MEMO1: variants seen among roughly 807,000 people sequenced by gnomAD.
The protein encoded by MEMO1 is protein MEMO1.
In MEMO1, 6 loss-of-function variants were observed where a neutral mutation model predicts 45.2. The ratio of observed to expected loss-of-function variants is 0.13; its 90% CI spans 0.07 to 0.26. MEMO1 has a LOEUF of 0.26. MEMO1 is among the 10% of genes least tolerant of loss of function. The probability of loss-of-function intolerance (pLI) is 1.00; values close to 1 mark genes in which losing one functional copy is unlikely to be tolerated. For synonymous variants in MEMO1, 78 were observed against 124.3 expected (o/e 0.63, Z 2.48); for missense variants, 184 against 370.5 (o/e 0.50, Z 4.13).
At chr2:31,965,790 G>C (rs1240523154) in intron 2 of MEMO1, among the ~76,000 whole-genome samples, 1 of 152,074 alleles carries the variant, frequency 6.6e-6, no homozygotes, top group Non-Finnish European at 1.5e-5. Context: ...TGGACACAGG[G>C]AGGGGAACAA....
chr2:31,967,465 T>C (rs756998547), intron 2 of MEMO1, among the ~76,000 whole-genome samples: 1 of 151,964 alleles, frequency 6.6e-6, no homozygotes, highest in Non-Finnish European at 1.5e-5. Flanking sequence ...AATTTTTTCT[T>C]TGAGACAGGG....
chr2:31,978,710 G>A (rs76728535), intron 2 of MEMO1, among the ~76,000 whole-genome samples: 2,848 of 152,306 alleles, frequency 0.019, 54 homozygotes, highest in Middle Eastern at 0.048. Context: ...TTAAGCCACC[G>A]TGCCTGGCCT....
intron 7 of MEMO1, among the ~76,000 whole-genome samples, chr2:31,887,727 T>C (rs567607030): frequency 6.6e-6 from 1 of 152,264 alleles, no homozygotes; most frequent in South Asian, 2.1e-4. Flanking sequence ...AAAAACTAAA[T>C]ATGTAAAATC....
At chr2:31,943,184 G>T in intron 3 of MEMO1, 118 bp downstream of exon 3, 1 of 760,278 alleles carries the variant, frequency 1.3e-6, no homozygotes. Flanking sequence ...AGAGTCGCTT[G>T]AACCTGGGAG....
intron 2 of MEMO1, among the ~76,000 whole-genome samples, chr2:31,997,826 A>G (rs1056986291): frequency 3.9e-5 from 6 of 152,290 alleles, no homozygotes; most frequent in African/African-American, 1.4e-4. Context: ...TCGAATCTAC[A>G]TTTTCAAAAA....
At chr2:31,894,118 G>T (rs1266128727) in intron 6 of MEMO1, among the ~76,000 whole-genome samples, 1 of 152,100 alleles carries the variant, frequency 6.6e-6, no homozygotes, top group African/African-American at 2.4e-5. Context: ...CTAGATAAAA[G>T]CGTCAAAAAC....
chr2:31,920,956 A>G (rs1350803953), intron 4 of MEMO1, 46 bp from the exon 5 acceptor site: 1 of 1,239,084 alleles, frequency 8.1e-7, no homozygotes. Flanking sequence ...GCACTTCTAC[A>G]CAAACCTTAT....
At chr2:31,890,191 A>C (rs1281678306) in intron 7 of MEMO1, among the ~76,000 whole-genome samples, 5 of 152,176 alleles carry the variant, frequency 3.3e-5, no homozygotes, top group African/African-American at 9.6e-5. Context: ...GTTTTATGTG[A>C]ATTTATGTTA....
intron 4 of MEMO1, among the ~76,000 whole-genome samples, chr2:31,925,092 T>C (rs1682880829): frequency 6.6e-6 from 1 of 152,208 alleles, no homozygotes; most frequent in African/African-American, 2.4e-5. Flanking sequence ...ACTGGTCTTC[T>C]TGCAGTTCCT....
chr2:31,924,796 G>A (rs113536457), intron 4 of MEMO1, among the ~76,000 whole-genome samples: 27 of 152,166 alleles, frequency 1.8e-4, no homozygotes, highest in African/African-American at 3.4e-4. Context: ...TCAAAATCAA[G>A]TTACTACTAC....
intron 2 of MEMO1, among the ~76,000 whole-genome samples, chr2:31,984,196 CACTT>C (rs1670997041): frequency 1.3e-5 from 2 of 152,124 alleles, no homozygotes; most frequent in Admixed American, 1.3e-4. Flanking sequence ...ACCTGGCAAA[CACTT>C]ACTACCTTAA....
chr2:32,006,675 A>G (rs1413495644), intron 2 of MEMO1, among the ~76,000 whole-genome samples: 3 of 151,906 alleles, frequency 2.0e-5, no homozygotes, highest in Non-Finnish European at 4.4e-5. Flanking sequence ...CACATAAAGA[A>G]GTGAGAATGG....
intron 6 of MEMO1, among the ~76,000 whole-genome samples, chr2:31,913,197 G>A (rs1194722728): frequency 6.9e-6 from 1 of 144,558 alleles, no homozygotes; most frequent in South Asian, 2.2e-4. Context: ...CCAGGAGGCG[G>A]AGGATGCAGT....
At chr2:31,967,675 C>A (rs1038294548) in intron 2 of MEMO1, among the ~76,000 whole-genome samples, 2 of 151,810 alleles carry the variant, frequency 1.3e-5, no homozygotes, top group Admixed American at 6.6e-5. Context: ...AACTCCTGGG[C>A]TCAAGTGATC....
At chr2:31,929,652 T>C (rs536981061) in intron 4 of MEMO1, among the ~76,000 whole-genome samples, 23 of 152,372 alleles carry the variant, frequency 1.5e-4, no homozygotes, top group African/African-American at 5.0e-4. Context: ...AAAATCATAT[T>C]TGTACCCCCC....
At chr2:31,911,778 C>A (rs553285778) in intron 6 of MEMO1, among the ~76,000 whole-genome samples, 4 of 152,158 alleles carry the variant, frequency 2.6e-5, no homozygotes, top group Middle Eastern at 3.4e-3. Context: ...GTAGCTGGGA[C>A]CACAGGTGTG....
At chr2:31,957,142 C>CAAAAAAA (rs754542523) in intron 2 of MEMO1, among the ~76,000 whole-genome samples, 3 of 77,662 alleles carry the variant, frequency 3.9e-5, no homozygotes, top group Non-Finnish European at 5.1e-5. Context: ...AACTCCGTCT[C>CAAAAAAA]AAAAAAAAAA....
intron 6 of MEMO1, among the ~76,000 whole-genome samples, chr2:31,913,896 T>G (rs184284685): frequency 2.6e-5 from 4 of 152,278 alleles, no homozygotes; most frequent in Non-Finnish European, 5.9e-5. Flanking sequence ...TCCCTCTCCT[T>G]GAATTTAGCC....
chr2:32,006,882 T>C (rs944924814), intron 2 of MEMO1, among the ~76,000 whole-genome samples: 8 of 150,758 alleles, frequency 5.3e-5, no homozygotes, highest in African/African-American at 2.0e-4. Context: ...GAGGGATCTC[T>C]TGAACCCAGG....
Sources: gnomAD v4.1 joint callset for allele counts (sites outside exome capture counted in the v4.1 genomes callset) on GRCh38, gnomAD v4.1.1 for gene constraint, MANE v1.5 for transcripts, NCBI Gene and HGNC (gene_info 2026-07-23, HGNC 2026-07-21) for gene names.